The following BTG4 variants were observed in gnomAD, a reference collection of about 807,000 sequenced individuals.
BTG4 encodes the protein protein BTG4.
A neutral mutation model predicts 19.3 loss-of-function variants in BTG4; 10 were observed. The ratio of observed to expected loss-of-function variants is 0.52; its 90% CI spans 0.32 to 0.88. The LOEUF (loss-of-function observed/expected upper bound fraction) is 0.88, where lower values mean the gene tolerates loss of function less well. Ranked by LOEUF, BTG4 falls within the 40% of genes least tolerant of loss-of-function variation. BTG4 has a pLI of 0.04. For synonymous variants in BTG4, 91 were observed against 95.7 expected (o/e 0.95, Z 0.29); for missense variants, 238 against 281.9 (o/e 0.84, Z 1.11).
chr11:111,454,778 G>A, the BTG4 span, among the ~76,000 whole-genome samples: 2 of 151,260 alleles, frequency 1.3e-5, no homozygotes, highest in Admixed American at 1.3e-4. Flanking sequence ...AGACTGGCTG[G>A]GACGAGCCAG....
At chr11:111,395,173 C>T in the BTG4 span, among the ~76,000 whole-genome samples, 1 of 152,256 alleles carries the variant, frequency 6.6e-6, no homozygotes, top group African/African-American at 2.4e-5. Flanking sequence ...AGCAACAGCT[C>T]CTCCATCCTG....
intron 5 of BTG4, among the ~76,000 whole-genome samples, chr11:111,476,396 T>C (rs1026060120): frequency 6.6e-6 from 1 of 152,064 alleles, no homozygotes; most frequent in Non-Finnish European, 1.5e-5. Flanking sequence ...CTGATGAAAA[T>C]ACTAATGGTA....
chr11:111,389,302 G>T, the BTG4 span, among the ~76,000 whole-genome samples: 4 of 152,054 alleles, frequency 2.6e-5, no homozygotes, highest in African/African-American at 2.4e-5. Flanking sequence ...AGTGTAGGAA[G>T]AAAAAAGAGG....
chr11:111,401,614 T>A, the BTG4 span, among the ~76,000 whole-genome samples: 135 of 152,298 alleles, frequency 8.9e-4, 1 homozygote, highest in African/African-American at 3.0e-3. Flanking sequence ...AGATTGTACA[T>A]AGGGTGGGCA....
intron 5 of BTG4, among the ~76,000 whole-genome samples, chr11:111,485,660 T>C (rs1416578715): frequency 6.6e-6 from 1 of 151,844 alleles, no homozygotes; most frequent in African/African-American, 2.4e-5. Flanking sequence ...AAACTTCAAA[T>C]AAACAATCTA....
At chr11:111,452,838 C>A in the BTG4 span, among the ~76,000 whole-genome samples, 1 of 152,132 alleles carries the variant, frequency 6.6e-6, no homozygotes, top group African/African-American at 2.4e-5. Context: ...TCAGGACAGA[C>A]TTTCCGGAAG....
the BTG4 span, among the ~76,000 whole-genome samples, chr11:111,443,546 A>G: frequency 6.6e-6 from 1 of 152,232 alleles, no homozygotes; most frequent in Non-Finnish European, 1.5e-5. Flanking sequence ...TTTCAAAAAA[A>G]TATCAGCACA....
chr11:111,413,741 A>C, the BTG4 span, among the ~76,000 whole-genome samples: 3 of 152,208 alleles, frequency 2.0e-5, no homozygotes, highest in Non-Finnish European at 2.9e-5. Flanking sequence ...CCTATATCAG[A>C]GTGTGTTACA....
At chr11:111,497,063 G>A (rs1459573574) in intron 4 of BTG4, 148 bp downstream of exon 4, 1 of 701,686 alleles carries the variant, frequency 1.4e-6, no homozygotes, top group South Asian at 2.2e-5. Flanking sequence ...GACAGAAAAA[G>A]TTTTGCCAAA....
At chr11:111,427,919 C>A in the BTG4 span, among the ~76,000 whole-genome samples, 2 of 152,154 alleles carry the variant, frequency 1.3e-5, no homozygotes, top group African/African-American at 2.4e-5. Context: ...TGGTTCCCCC[C>A]ACCCCGAACA....
the BTG4 span, chr11:111,450,061 G>A: frequency 6.6e-6 from 1 of 152,358 alleles, no homozygotes; most frequent in Admixed American, 6.5e-5. Flanking sequence ...ACCAGAGCAA[G>A]GCCCCTTTGT....
the BTG4 span, among the ~76,000 whole-genome samples, chr11:111,420,360 A>G: frequency 6.6e-6 from 1 of 152,266 alleles, no homozygotes; most frequent in South Asian, 2.1e-4. Flanking sequence ...AGGAGATCAT[A>G]GCCAACAATC....
the BTG4 span, among the ~76,000 whole-genome samples, chr11:111,407,534 T>C: frequency 1.3e-5 from 2 of 152,066 alleles, no homozygotes; most frequent in African/African-American, 4.8e-5. Flanking sequence ...TAGCCAGACA[T>C]GGTGGCGGGC....
chr11:111,399,987 G>A, the BTG4 span, among the ~76,000 whole-genome samples: 26 of 152,276 alleles, frequency 1.7e-4, no homozygotes, highest in Non-Finnish European at 3.2e-4. Flanking sequence ...GAGAGAAATG[G>A]GAGGCCCTGG....
chr11:111,389,186 T>G, the BTG4 span, among the ~76,000 whole-genome samples: 5 of 152,220 alleles, frequency 3.3e-5, no homozygotes, highest in African/African-American at 1.2e-4. Flanking sequence ...GCAGCTGCAC[T>G]GCTGTTTTTC....
upstream of BTG4, among the ~76,000 whole-genome samples, chr11:111,512,544 G>T (rs879513868): frequency 5.9e-5 from 9 of 152,174 alleles, no homozygotes; most frequent in Non-Finnish European, 8.8e-5. Context: ...AGGGTTTGGG[G>T]CTGGGAACTG....
intron 5 of BTG4, among the ~76,000 whole-genome samples, chr11:111,474,653 A>G (rs111338239): frequency 4.6e-5 from 7 of 152,130 alleles, no homozygotes; most frequent in African/African-American, 1.7e-4. Context: ...ATGATACATA[A>G]CTATATTTAG....
chr11:111,406,249 A>C, the BTG4 span, among the ~76,000 whole-genome samples: 171 of 152,340 alleles, frequency 1.1e-3, no homozygotes, highest in African/African-American at 3.8e-3. Flanking sequence ...TGAGTAGCTG[A>C]GACTACAGGC....
At chr11:111,487,753 T>A (rs1483061665) in intron 5 of BTG4, among the ~76,000 whole-genome samples, 1 of 152,154 alleles carries the variant, frequency 6.6e-6, no homozygotes, top group Non-Finnish European at 1.5e-5. Flanking sequence ...GAAAAATAAA[T>A]TCAGTAAAGT....
Sources: gnomAD v4.1 joint callset for allele counts (sites outside exome capture counted in the v4.1 genomes callset) on GRCh38, gnomAD v4.1.1 for gene constraint, MANE v1.5 for transcripts, NCBI Gene and HGNC (gene_info 2026-07-23, HGNC 2026-07-21) for gene names.